CSMD3: variants seen among roughly 807,000 people sequenced by gnomAD.
CSMD3 encodes the protein CUB and sushi domain-containing protein 3.
Under a neutral mutation model 435.2 loss-of-function variants are expected in CSMD3, and 177 were observed. That is an observed-to-expected ratio of 0.41 (90% CI 0.36 to 0.46). The LOEUF (loss-of-function observed/expected upper bound fraction) is 0.46. Ranked by LOEUF, CSMD3 falls within the 20% of genes least tolerant of loss-of-function variation. The pLI, the probability that CSMD3 is intolerant of heterozygous loss-of-function variation, is 0.34. For missense variants in CSMD3, 4,265 were observed against 4,504.6 expected (o/e 0.95, Z 1.52); for synonymous variants, 1,656 against 1,520.5 (o/e 1.09, Z -2.07).
chr8:113,116,206 T>C (rs760432522), intron 4 of CSMD3, among the ~76,000 whole-genome samples: 4 of 152,206 alleles, frequency 2.6e-5, no homozygotes, highest in Non-Finnish European at 5.9e-5. Context: ...TCTTGAATTG[T>C]AGTTCCCATA....
intron 9 of CSMD3, among the ~76,000 whole-genome samples, chr8:112,941,618 G>A (rs2083453337): frequency 6.6e-6 from 1 of 151,788 alleles, no homozygotes. Context: ...TTACTGCAAT[G>A]TTAGGAAAAT....
intron 13 of CSMD3, among the ~76,000 whole-genome samples, chr8:112,755,211 G>A (rs981907839): frequency 2.6e-5 from 4 of 151,920 alleles, no homozygotes; most frequent in Admixed American, 2.6e-4. Flanking sequence ...GGCACCTGCA[G>A]TCCCAGCTAC....
chr8:113,217,780 G>A lies in CSMD3; in HGVS notation c.515-43864C>T, dbSNP rs541777172. Among the ~76,000 whole-genome samples the A allele has an allele frequency of 2.2e-3, 333 of 151,136 alleles. 1 individual carries two copies. The highest frequency in any genetic ancestry group is 6.8e-3 in the Middle Eastern group (2 of 294). The stretch of plus-strand genomic sequence containing the variant: ...TAAGAAGAAGAGAAGCAATAAAATG[G>A]AATGAAAAAACATATATAAGATATG... On this transcript the variant is annotated intron_variant, in intron 3 of 70. Coordinates refer to ENST00000297405, the MANE Select transcript of CSMD3 (RefSeq NM_198123.2).
chr8:112,233,616 G>T (rs1208475669), intron 68 of CSMD3, among the ~76,000 whole-genome samples: 1 of 151,970 alleles, frequency 6.6e-6, no homozygotes, highest in African/African-American at 2.4e-5. Context: ...CTTATCGAAG[G>T]CTACTACATA....
chr8:113,032,016 T>C (rs1284043943), intron 5 of CSMD3, among the ~76,000 whole-genome samples: 1 of 151,718 alleles, frequency 6.6e-6, no homozygotes, highest in Non-Finnish European at 1.5e-5. Flanking sequence ...TTTCGCCTTC[T>C]GCCATGATAG....
chr8:113,014,617 A>C (rs185135854), intron 6 of CSMD3, among the ~76,000 whole-genome samples: 1 of 152,156 alleles, frequency 6.6e-6, no homozygotes, highest in Non-Finnish European at 1.5e-5. Context: ...TTGTAAGCCC[A>C]TTACACAAAG....
At chr8:113,231,946 A>C (rs984501962) in intron 3 of CSMD3, among the ~76,000 whole-genome samples, 6 of 151,536 alleles carry the variant, frequency 4.0e-5, no homozygotes, top group African/African-American at 7.3e-5. Flanking sequence ...TTTTTTCCCC[A>C]AAAAATGAGT....
At chr8:112,362,419 G>T (rs1480368467) in intron 38 of CSMD3, among the ~76,000 whole-genome samples, 1 of 151,786 alleles carries the variant, frequency 6.6e-6, no homozygotes, top group Non-Finnish European at 1.5e-5. Flanking sequence ...ATTTAACTTA[G>T]AATTACTCTG....
At chr8:112,597,425 T>C (rs1489690998) in intron 22 of CSMD3, among the ~76,000 whole-genome samples, 5 of 137,450 alleles carry the variant, frequency 3.6e-5, no homozygotes, top group Non-Finnish European at 6.2e-5. Context: ...CACAGCCGAA[T>C]TCTACCAGAG....
At chr8:112,569,105 G>A (rs183103140) in intron 24 of CSMD3, among the ~76,000 whole-genome samples, 4 of 152,250 alleles carry the variant, frequency 2.6e-5, no homozygotes, top group South Asian at 4.1e-4. Flanking sequence ...ATCTTACAGG[G>A]ATTCCCAGGA....
chr8:112,386,644 C>T (rs1417146152), intron 36 of CSMD3, among the ~76,000 whole-genome samples: 2 of 151,910 alleles, frequency 1.3e-5, no homozygotes, highest in South Asian at 2.1e-4. Flanking sequence ...ACTACAGGCG[C>T]CCGCCACCAC....
intron 4 of CSMD3, among the ~76,000 whole-genome samples, chr8:113,139,884 A>T (rs1318731572): frequency 6.6e-6 from 1 of 151,146 alleles, no homozygotes; most frequent in Admixed American, 6.6e-5. Context: ...GGAAATATTT[A>T]TCAATGGAAA....
At chr8:112,665,686 G>A (rs2075504835) in intron 17 of CSMD3, among the ~76,000 whole-genome samples, 1 of 152,056 alleles carries the variant, frequency 6.6e-6, no homozygotes, top group Admixed American at 6.6e-5. Flanking sequence ...TGTAAGTTGT[G>A]ATTCAATAAC....
At chr8:113,095,500 T>G (rs1167276514) in intron 5 of CSMD3, among the ~76,000 whole-genome samples, 2 of 152,168 alleles carry the variant, frequency 1.3e-5, no homozygotes, top group African/African-American at 4.8e-5. Flanking sequence ...TTACATCCAG[T>G]GATCAGTTTT....
At position 112,263,746 on chromosome 8, in the gene CSMD3, C is replaced by A. The variant is rs2130384168; in HGVS notation, c.9755G>T (p.Gly3252Val). The A allele has an allele frequency of 6.2e-7, 1 of 1,613,796 alleles. No individual in the cohort carries two copies. Among genetic ancestry groups the A allele is most frequent in the Non-Finnish European group, 8.5e-7 (1 of 1,179,780 alleles). ...GRLEGTNFDW[G>V]FSISYICSPG... Reference sequence around the variant, plus strand: ...AGAACAGATGTAGCTAATACTAAAGCCCCAGTCGAAATTTGTTCCTTCCAG... The same window carrying A: ...AGAACAGATGTAGCTAATACTAAAGACCCAGTCGAAATTTGTTCCTTCCAG... The change falls in exon 61 of 71, where the codon GGC (glycine) becomes GTC (valine). Residue 3252 changes from glycine to valine, a missense_variant. Coordinates refer to ENST00000297405, the MANE Select transcript of CSMD3 (RefSeq NM_198123.2).
chr8:113,112,432 T>C (rs1464106979), intron 4 of CSMD3, among the ~76,000 whole-genome samples: 2 of 17,616 alleles, frequency 1.1e-4, no homozygotes, highest in East Asian at 4.1e-3. Context: ...TATATATATA[T>C]ATATATATAT....
chr8:113,358,180 T>C (rs1380170290), intron 1 of CSMD3, among the ~76,000 whole-genome samples: 1 of 152,174 alleles, frequency 6.6e-6, no homozygotes, highest in Non-Finnish European at 1.5e-5. Flanking sequence ...CCTAAATGAA[T>C]TGTAAGTGGA....
At chr8:112,561,067 A>C (rs986589787) in intron 24 of CSMD3, among the ~76,000 whole-genome samples, 1 of 151,686 alleles carries the variant, frequency 6.6e-6, no homozygotes, top group Non-Finnish European at 1.5e-5. Flanking sequence ...ATTGTAGCTG[A>C]AAATGCACAT....
chr8:112,622,680 G>C (rs761375579), intron 22 of CSMD3, among the ~76,000 whole-genome samples: 3 of 152,124 alleles, frequency 2.0e-5, no homozygotes, highest in Non-Finnish European at 4.4e-5. Context: ...CGATGTAAAA[G>C]TAACGCAATG....
Sources: allele counts gnomAD v4.1 joint callset (sites outside exome capture counted in the v4.1 genomes callset), GRCh38; gene constraint gnomAD v4.1.1; transcripts MANE v1.5; gene names NCBI Gene and HGNC (gene_info 2026-07-23, HGNC 2026-07-21).